CDH12: variants seen among roughly 807,000 people sequenced by gnomAD.
The protein encoded by CDH12 is cadherin 12.
A neutral mutation model predicts 74.1 loss-of-function variants in CDH12; 41 were observed. The ratio of observed to expected loss-of-function variants is 0.55; its 90% confidence interval spans 0.43 to 0.72. The LOEUF (loss-of-function observed/expected upper bound fraction) is 0.72, where lower values mean the gene tolerates loss of function less well. CDH12 is among the 30% of genes least tolerant of loss of function. The pLI is 0.00. For missense variants in CDH12, 945 were observed against 977.2 expected (o/e 0.97, Z 0.44); for synonymous variants, 399 against 355.0 (o/e 1.12, Z -1.39).
chr5:22,584,934 T>A (rs914477383), intron 1 of CDH12, among the ~76,000 whole-genome samples: 1 of 152,198 alleles, frequency 6.6e-6, no homozygotes, highest in African/African-American at 2.4e-5. Flanking sequence ...ATAATATTTA[T>A]CTTAAAAAAA....
intron 1 of CDH12, among the ~76,000 whole-genome samples, chr5:22,797,183 T>TAAAAAAAAAAA (rs58951425): frequency 1.2e-5 from 1 of 86,248 alleles, no homozygotes; most frequent in Non-Finnish European, 2.4e-5. Flanking sequence ...AGTGCCTTTA[T>TAAAAAAAAAAA]AAAAAAAAAA....
Position 22,373,254 on chromosome 5 carries a change from CA to C in CDH12, c.-333+32002del, listed in dbSNP as rs1364752062. Among the ~76,000 whole-genome samples, 4 of 152,184 alleles carry C rather than the reference CA, an allele frequency of 2.6e-5. No homozygotes were observed. The East Asian group carries it at 7.7e-4, about 29-fold the overall frequency. The stretch of plus-strand genomic sequence containing the variant: ...AGGACAAAGTAACCTGCTGATCCAA[CA>C]GTTGGCACCCCCTGGCATGAGCCAC... On this transcript the variant is annotated intron_variant, in intron 3 of 14. Coordinates refer to ENST00000382254, the MANE Select transcript of CDH12 (RefSeq NM_004061.5).
intron 11 of CDH12, 91 bp downstream of exon 11, chr5:21,783,267 A>G: frequency 8.3e-7 from 1 of 1,205,248 alleles, no homozygotes; most frequent in Middle Eastern, 2.0e-4. Context: ...TGTCAGTCCA[A>G]AAATGAAAAA....
intron 3 of CDH12, among the ~76,000 whole-genome samples, chr5:22,364,326 TAAAC>T (rs1740943512): frequency 6.6e-6 from 1 of 152,172 alleles, no homozygotes; most frequent in South Asian, 2.1e-4. Context: ...ATGAACGATG[TAAAC>T]AAACAGATTC....
chr5:22,475,520 G>A (rs999293013), intron 2 of CDH12, among the ~76,000 whole-genome samples: 1 of 151,766 alleles, frequency 6.6e-6, no homozygotes, highest in South Asian at 2.1e-4. Flanking sequence ...GATGCACCAC[G>A]ATACTGAATT....
At chr5:22,039,616 CA>C (rs1331614773) in intron 5 of CDH12, among the ~76,000 whole-genome samples, 1 of 151,970 alleles carries the variant, frequency 6.6e-6, no homozygotes, top group African/African-American at 2.4e-5. Flanking sequence ...AAGAGGACCC[CA>C]AAAGTAATTG....
chr5:22,705,667 G>T (rs1425405118), intron 1 of CDH12, among the ~76,000 whole-genome samples: 2 of 151,808 alleles, frequency 1.3e-5, no homozygotes, highest in Non-Finnish European at 2.9e-5. Context: ...AAATGGTGTG[G>T]CTAAAAAATA....
chr5:22,305,003 C>T (rs1203644292), intron 3 of CDH12, among the ~76,000 whole-genome samples: 1 of 152,060 alleles, frequency 6.6e-6, no homozygotes, highest in East Asian at 1.9e-4. Context: ...TATTCAAATG[C>T]CAAGCAATAA....
At chr5:22,091,299 A>AAG (rs372599413) in intron 4 of CDH12, among the ~76,000 whole-genome samples, 1 of 145,438 alleles carries the variant, frequency 6.9e-6, no homozygotes, top group Non-Finnish European at 1.5e-5. Context: ...GTGAGAGAGA[A>AAG]AGAGAGAGAG....
At position 22,290,100 on chromosome 5, in the gene CDH12, C is replaced by T. The variant is rs749628895; in HGVS notation, c.-332-77457G>A. Among the ~76,000 whole-genome samples, 29 of 152,240 alleles carry T rather than the reference C, an allele frequency of 1.9e-4. No individual in the cohort carries two copies. In the East Asian group the frequency reaches 3.9e-3, roughly 20 times the overall value. On this transcript the variant is annotated intron_variant, in intron 3 of 14. Coordinates refer to ENST00000382254, the MANE Select transcript of CDH12 (RefSeq NM_004061.5). ...CACCATGCTGGCCAGCCACGTCTAT[C>T]GTAGGGTGCTTTTGTACCCCAGTGC...
intron 1 of CDH12, among the ~76,000 whole-genome samples, chr5:22,551,094 TA>T (rs746729439): frequency 2.6e-4 from 40 of 152,110 alleles, no homozygotes; most frequent in Non-Finnish European, 3.8e-4. Context: ...TCAGAGCCTT[TA>T]AAAAGGTAAT....
At chr5:22,822,832 T>G (rs998208566) in intron 1 of CDH12, among the ~76,000 whole-genome samples, 5 of 152,274 alleles carry the variant, frequency 3.3e-5, no homozygotes, top group East Asian at 3.9e-4. Context: ...TCGCCATTTC[T>G]CAGGGATCTA....
At chr5:22,185,071 T>C (rs1561199264) in intron 4 of CDH12, among the ~76,000 whole-genome samples, 2 of 152,096 alleles carry the variant, frequency 1.3e-5, no homozygotes, top group Non-Finnish European at 2.9e-5. Flanking sequence ...GTTCTCATCA[T>C]TTAGCTCCCA....
At chr5:22,387,009 G>A (rs1263325997) in intron 3 of CDH12, among the ~76,000 whole-genome samples, 2 of 151,840 alleles carry the variant, frequency 1.3e-5, no homozygotes, top group Non-Finnish European at 2.9e-5. Flanking sequence ...AATACGAATA[G>A]AATCATTTGT....
At chr5:21,853,878 G>A (rs554571936) in intron 7 of CDH12, among the ~76,000 whole-genome samples, 2 of 151,754 alleles carry the variant, frequency 1.3e-5, no homozygotes, top group African/African-American at 4.8e-5. Flanking sequence ...ATGTTCTAAT[G>A]TAGTGTATAA....
intron 4 of CDH12, among the ~76,000 whole-genome samples, chr5:22,201,212 T>G (rs1033178290): frequency 1.6e-4 from 24 of 152,174 alleles, no homozygotes; most frequent in Non-Finnish European, 2.6e-4. Context: ...TGCAGCCATA[T>G]TCACCATATA....
At chr5:22,069,318 A>G (rs1309756835) in intron 5 of CDH12, among the ~76,000 whole-genome samples, 1 of 152,126 alleles carries the variant, frequency 6.6e-6, no homozygotes, top group Admixed American at 6.6e-5. Flanking sequence ...TTACAGTGCT[A>G]GATAGGTGCC....
intron 1 of CDH12, among the ~76,000 whole-genome samples, chr5:22,529,105 C>CATATATATGCATATACATGTGTATATAT (rs1737432848): frequency 9.7e-6 from 1 of 103,478 alleles, no homozygotes; most frequent in Admixed American, 1.6e-4. Context: ...TGAATATATG[C>CATATATATGCATATACATGTGTATATAT]ATATATATGC....
At chr5:22,619,275 T>A (rs891028376) in intron 1 of CDH12, among the ~76,000 whole-genome samples, 1 of 152,036 alleles carries the variant, frequency 6.6e-6, no homozygotes, top group African/African-American at 2.4e-5. Flanking sequence ...AAACTCAGCA[T>A]AATTATTTTA....
Sources: allele counts gnomAD v4.1 joint callset (sites outside exome capture counted in the v4.1 genomes callset), GRCh38; gene constraint gnomAD v4.1.1; transcripts MANE v1.5; gene names NCBI Gene and HGNC (gene_info 2026-07-23, HGNC 2026-07-21).